Variants in PRKDC observed in about 807,000 individuals in gnomAD.
PRKDC encodes protein kinase, DNA-activated, catalytic subunit, also known as DNA-dependent protein kinase catalytic subunit.
PRKDC carries 82 observed loss-of-function variants against 486.9 expected under a neutral mutation model. The observed-to-expected ratio is 0.17, with a 90% CI of 0.14 to 0.20. The LOEUF (loss-of-function observed/expected upper bound fraction) is 0.20, where lower values mean the gene tolerates loss of function less well. PRKDC is among the 10% of genes least tolerant of loss of function. The pLI is 1.00. For missense variants in PRKDC, 4,504 were observed against 5,038.2 expected (o/e 0.89, Z 3.21); for synonymous variants, 1,895 against 1,837.0 (o/e 1.03, Z -0.81).
chr8:47,840,218 A>G, intron 54 of PRKDC, 29 bp from the exon 55 acceptor site: 2 of 1,535,198 alleles, frequency 1.3e-6, no homozygotes, highest in Non-Finnish European at 1.8e-6. Context: ...AAACACACAA[A>G]TTTAGCTATT....
chr8:47,820,110 CA>C, intron 66 of PRKDC, among the ~76,000 whole-genome samples: 1 of 152,266 alleles, frequency 6.6e-6, no homozygotes, highest in East Asian at 1.9e-4. Flanking sequence ...TCCGCTACCC[CA>C]AATAGAAAAG....
chr8:47,894,013 G>A (rs912339888), intron 30 of PRKDC, among the ~76,000 whole-genome samples: 2 of 152,154 alleles, frequency 1.3e-5, no homozygotes, highest in African/African-American at 4.8e-5. Flanking sequence ...GGGGGTGGTG[G>A]CTCAGGTCTG....
At chr8:47,792,814 T>C (rs931073626) in intron 74 of PRKDC, among the ~76,000 whole-genome samples, 2 of 152,232 alleles carry the variant, frequency 1.3e-5, no homozygotes, top group African/African-American at 4.8e-5. Context: ...TTGCAACTGA[T>C]GTTGACGTTT....
chr8:47,951,174 A>G (rs529932535), intron 7 of PRKDC, among the ~76,000 whole-genome samples: 10 of 152,080 alleles, frequency 6.6e-5, no homozygotes, highest in Non-Finnish European at 1.3e-4. Flanking sequence ...AGCCTGGGCA[A>G]CATGGGGAAA....
At chr8:47,824,873 A>G (rs1372712684) in intron 63 of PRKDC, among the ~76,000 whole-genome samples, 1 of 152,190 alleles carries the variant, frequency 6.6e-6, no homozygotes, top group East Asian at 1.9e-4. Flanking sequence ...CAGCCAGCCA[A>G]GGACTGCTCC....
intron 21 of PRKDC, among the ~76,000 whole-genome samples, chr8:47,921,251 T>C (rs2090065683): frequency 6.7e-6 from 1 of 150,306 alleles, no homozygotes; most frequent in Admixed American, 6.8e-5. Flanking sequence ...CGAGACTCCA[T>C]CTCAAAAAAA....
At chr8:47,915,179 A>G (rs1396510497) in intron 23 of PRKDC, 149 bp downstream of exon 23, 2 of 506,530 alleles carry the variant, frequency 3.9e-6, no homozygotes, top group African/African-American at 2.0e-5. Flanking sequence ...CAGTCAAACC[A>G]TTAGGCAAGA....
At position 47,798,300 on chromosome 8, in the gene PRKDC, A is replaced by G; in HGVS notation, c.10395T>C (p.Phe3465=). The G allele has an allele frequency of 6.2e-7, 1 of 1,613,826 alleles. No homozygotes were observed. Among genetic ancestry groups the G allele is most frequent in the Non-Finnish European group, 8.5e-7 (1 of 1,179,800 alleles). ...KLNSNEARLK[F]PRLLQIIERY... ...GTTCTATAATCTGAAGTAATCTAGG[A>G]AACTTCAATCTGGCTTCATTGGAAT... Residue 3465 remains phenylalanine, a synonymous_variant, in exon 73 of 86, where the codon TTT becomes TTC. Coordinates refer to ENST00000314191, the MANE Select transcript of PRKDC (RefSeq NM_006904.7).
chr8:47,773,146 T>C lies in PRKDC; in HGVS notation c.*1027A>G, dbSNP rs1466175406. On this transcript the variant is annotated 3_prime_UTR_variant, in exon 86 of 86. Transcript: ENST00000314191. ...AAACTTTATTAAACACTCAAGAGTA[T>C]ACTTCTCAAAATCACAGAAGAGCCT... The C allele has an allele frequency of 9.8e-6, 2 of 204,978 alleles. No homozygotes were observed. Among genetic ancestry groups the C allele is most frequent in the East Asian group, 7.5e-5 (1 of 13,316 alleles). 12.7% of individuals were successfully genotyped at this position (204,978 alleles called of 1,614,324 possible).
At chr8:47,936,204 G>A in intron 12 of PRKDC, 149 bp downstream of exon 12, 2 of 909,088 alleles carry the variant, frequency 2.2e-6, no homozygotes, top group East Asian at 2.7e-5. Context: ...CGAGTTTCAT[G>A]ACAATAATTC....
chr8:47,786,723 C>CT (rs5891257), intron 76 of PRKDC, among the ~76,000 whole-genome samples: 76,851 of 88,174 alleles, frequency 0.87, 34,634 homozygotes, highest in Non-Finnish European at 0.9. Flanking sequence ...ATTATTTAAT[C>CT]TTTTTTTTTT....
rs1241158971 is a variant in PRKDC at position 47,888,621 on chromosome 8, T to C, written c.4310A>G (p.Tyr1437Cys). Residue 1437 changes from tyrosine (Y) to cysteine (C), a missense_variant, in exon 34 of 86, where the codon TAT becomes TGT. Tyr to Cys is a radical substitution (Grantham distance 194, BLOSUM62 -2). This residue lies in a region of PRKDC where 1,969 missense variants were observed against 2,068.9 expected (regional missense o/e 0.95). Transcript: ENST00000314191. ...SIEELCAVNL[Y>C]GPDAQVDRSR... ...CCTGTCCACTTGCGCGTCAGGGCCA[T>C]ACAAGTTGACGGCACAAAGCTCCTC... 5.0e-6 allele frequency: 8 copies of C among 1,594,506 alleles called. No individual in the cohort carries two copies. The African/African-American group carries it at 6.7e-5, about 13-fold the overall frequency.
intron 14 of PRKDC, 80 bp from the exon 15 acceptor site, chr8:47,934,170 G>C (rs1250514021): frequency 2.0e-6 from 3 of 1,464,196 alleles, no homozygotes; most frequent in Admixed American, 4.5e-5. Flanking sequence ...CTGGTTTTCA[G>C]AATTTTCTAA....
chr8:47,844,213 A>G (rs2088217099), intron 54 of PRKDC, among the ~76,000 whole-genome samples: 1 of 152,266 alleles, frequency 6.6e-6, no homozygotes, highest in African/African-American at 2.4e-5. Flanking sequence ...ATCTATCACA[A>G]AAACAGAAAA....
intron 22 of PRKDC, among the ~76,000 whole-genome samples, chr8:47,917,428 C>A (rs996447105): frequency 6.6e-6 from 1 of 151,990 alleles, no homozygotes; most frequent in African/African-American, 2.4e-5. Flanking sequence ...AAGAACTGAC[C>A]CTAGAGTTTG....
At chr8:47,959,486 G>C (rs2090774003) in intron 1 of PRKDC, among the ~76,000 whole-genome samples, 2 of 152,052 alleles carry the variant, frequency 1.3e-5, no homozygotes, top group African/African-American at 2.4e-5. Flanking sequence ...AGACCAGCCT[G>C]ACCAACATGG....
At chr8:47,917,144 ACT>A (rs1202526827) in intron 22 of PRKDC, among the ~76,000 whole-genome samples, 3 of 152,002 alleles carry the variant, frequency 2.0e-5, no homozygotes, top group Non-Finnish European at 2.9e-5. Flanking sequence ...GGTCCCAGCT[ACT>A]CGGGTGGCTG....
intron 64 of PRKDC, among the ~76,000 whole-genome samples, chr8:47,822,050 A>C (rs1169053959): frequency 6.6e-6 from 1 of 152,232 alleles, no homozygotes; most frequent in Admixed American, 6.5e-5. Flanking sequence ...TGGGAGGCTA[A>C]CGCACATGGA....
chr8:47,848,423 G>A (rs1472399188), intron 54 of PRKDC, among the ~76,000 whole-genome samples: 2 of 152,162 alleles, frequency 1.3e-5, no homozygotes, highest in Non-Finnish European at 2.9e-5. Context: ...ATATGTGGGA[G>A]CTAAACACTG....
Sources: allele counts gnomAD v4.1 joint callset (sites outside exome capture counted in the v4.1 genomes callset), GRCh38; gene constraint gnomAD v4.1.1; regional missense constraint gnomAD v4.1.1; transcripts MANE v1.5; gene names NCBI Gene and HGNC (gene_info 2026-07-23, HGNC 2026-07-21).